The following LRRC28 variants were observed in gnomAD, a reference collection of about 807,000 sequenced individuals.
LRRC28 encodes leucine rich repeat containing 28, also known as leucine-rich repeat-containing protein 28.
In LRRC28, 39 loss-of-function variants were observed where a neutral mutation model predicts 45.7. That is an observed-to-expected ratio of 0.85 (90% CI 0.66 to 1.12). The LOEUF is 1.12. Among genes scored for constraint, LRRC28 ranks in the 50% most tolerant of loss-of-function variants. LRRC28 has a pLI of 0.00. For missense variants in LRRC28, 435 were observed against 438.5 expected (o/e 0.99, Z 0.07); for synonymous variants, 206 against 178.8 (o/e 1.15, Z -1.22).
intron 5 of LRRC28, among the ~76,000 whole-genome samples, chr15:99,306,532 A>G (rs1202441551): frequency 1.3e-5 from 2 of 152,212 alleles, no homozygotes; most frequent in Non-Finnish European, 2.9e-5. Context: ...AACGTTTAAA[A>G]GCTCTCTCTT....
At chr15:99,256,193 T>C (rs1200996081) in intron 2 of LRRC28, 68 bp downstream of exon 2, 2 of 1,305,884 alleles carry the variant, frequency 1.5e-6, no homozygotes, top group Admixed American at 5.1e-5. Context: ...TACATTTACA[T>C]ACCCTAAGGT....
intron 2 of LRRC28, among the ~76,000 whole-genome samples, chr15:99,273,204 C>T (rs1040182471): frequency 1.3e-5 from 2 of 152,020 alleles, no homozygotes. Context: ...GAGTTTTGGG[C>T]ATCTATTCCT....
intron 2 of LRRC28, chr15:99,258,531 G>A: frequency 1.3e-6 from 1 of 745,724 alleles, no homozygotes; most frequent in South Asian, 1.4e-5. Context: ...AGAGAAAGAA[G>A]AATCTTATGA....
chr15:99,268,689 TG>T (rs1467104306), intron 2 of LRRC28, among the ~76,000 whole-genome samples: 46 of 152,158 alleles, frequency 3.0e-4, no homozygotes, highest in African/African-American at 9.7e-4. Flanking sequence ...CAAACAGTTA[TG>T]TCATAAACTT....
rs60050676 is a variant in LRRC28, at chr15:99,276,621, G to T, written c.209+5G>T. The T allele has an allele frequency of 2.0e-6, 3 of 1,513,150 alleles. No individual in the cohort carries two copies. Among genetic ancestry groups the T allele is most frequent in the Non-Finnish European group, 2.6e-6 (3 of 1,134,120 alleles). The allele number at this position is 1,513,150 out of a possible 1,614,324, so 93.7% of individuals were successfully genotyped here. A position where few individuals can be genotyped will look rare whatever the true frequency, so the allele number is the denominator to read the frequency against. ...GCTTCCAAACCTTGTGGAACTGTGAGTCTGTTTATTCAAATTTTTTAAAGA... is the reference window on the plus strand; with the variant it reads ...GCTTCCAAACCTTGTGGAACTGTGATTCTGTTTATTCAAATTTTTTAAAGA... On this transcript the variant is annotated splice_donor_5th_base_variant and intron_variant, in intron 3 of 9. Transcript: ENST00000301981.
chr15:99,366,250 C>T (rs1036359518), intron 9 of LRRC28, among the ~76,000 whole-genome samples: 1 of 152,194 alleles, frequency 6.6e-6, no homozygotes, highest in Non-Finnish European at 1.5e-5. Flanking sequence ...TCCAGGCCTC[C>T]ATGGCTTGTA....
At chr15:99,283,578 G>A (rs992675014) in intron 3 of LRRC28, among the ~76,000 whole-genome samples, 2 of 144,550 alleles carry the variant, frequency 1.4e-5, no homozygotes, top group African/African-American at 2.6e-5. Flanking sequence ...ATCGAGCCAC[G>A]GCACTCTAGC....
intron 6 of LRRC28, among the ~76,000 whole-genome samples, chr15:99,351,880 C>T (rs1046171716): frequency 9.2e-5 from 14 of 152,118 alleles, no homozygotes; most frequent in African/African-American, 3.1e-4. Context: ...AATTTACAGC[C>T]AAGGAGCAAG....
chr15:99,294,811 C>A (rs1032474622), intron 5 of LRRC28, among the ~76,000 whole-genome samples: 1 of 152,174 alleles, frequency 6.6e-6, no homozygotes, highest in Non-Finnish European at 1.5e-5. Flanking sequence ...ATCATAGCAC[C>A]GTCTTGACCT....
intron 9 of LRRC28, among the ~76,000 whole-genome samples, chr15:99,376,829 A>T (rs985930848): frequency 1.3e-5 from 2 of 152,112 alleles, no homozygotes; most frequent in African/African-American, 4.8e-5. Context: ...TTTGCTGAGA[A>T]TGATGGTTTC....
At chr15:99,292,961 G>A (rs1452359524) in intron 5 of LRRC28, among the ~76,000 whole-genome samples, 3 of 152,074 alleles carry the variant, frequency 2.0e-5, no homozygotes, top group Admixed American at 2.0e-4. Context: ...TTTTCAAATT[G>A]GAATTAAGTC....
At chr15:99,368,530 GC>G (rs1957399477) in intron 9 of LRRC28, among the ~76,000 whole-genome samples, 1 of 152,156 alleles carries the variant, frequency 6.6e-6, no homozygotes, top group South Asian at 2.1e-4. Context: ...CAAAGAGGTT[GC>G]CCTGCCCCTG....
In LRRC28 at chr15:99,387,153, C is replaced by A. The variant is rs1047854446; in HGVS notation, c.*1051C>A. 2.0e-5 allele frequency: 3 copies of A among 149,862 alleles called. No individual in the cohort carries two copies. The highest frequency in any genetic ancestry group is 2.2e-4 in the South Asian group (1 of 4,566). The allele number at this position is 149,862 out of a possible 1,614,324, so 9.3% of individuals were successfully genotyped here. ...TCGGCTCACTGCAAGCTCCGCCTCCCGGGTTCACGCCATTCTCCTGCCTCA... is the reference window on the plus strand; with the variant it reads ...TCGGCTCACTGCAAGCTCCGCCTCCAGGGTTCACGCCATTCTCCTGCCTCA... On this transcript the variant is annotated 3_prime_UTR_variant, in exon 10 of 10. Coordinates refer to ENST00000301981, the MANE Select transcript of LRRC28 (RefSeq NM_144598.5).
At chr15:99,376,331 T>C (rs1957631880) in intron 9 of LRRC28, among the ~76,000 whole-genome samples, 1 of 152,194 alleles carries the variant, frequency 6.6e-6, no homozygotes, top group African/African-American at 2.4e-5. Flanking sequence ...GATTCTATTA[T>C]AGTCAAAGAA....
intron 9 of LRRC28, among the ~76,000 whole-genome samples, chr15:99,370,732 G>A (rs1957462672): frequency 6.6e-6 from 1 of 152,104 alleles, no homozygotes; most frequent in Admixed American, 6.5e-5. Flanking sequence ...AGATTGCATA[G>A]TGTGATCCAG....
rs28633779 is a variant in LRRC28 at position 99,298,051 on chromosome 15, A to T, written c.385+10100A>T. ...AAAAGTTCATTGCTACAATACTTTT[A>T]AAAAAAAAAAGGCAAAAGAAGAAAA... is the stretch of plus-strand genomic sequence containing the variant. On this transcript the variant is annotated intron_variant, in intron 5 of 9. Transcript: ENST00000301981. Among the ~76,000 whole-genome samples the T allele has an allele frequency of 5.3e-3, 775 of 147,076 alleles. 2 individuals carry two copies. Among genetic ancestry groups the T allele is most frequent in the African/African-American group, 0.017 (676 of 40,378 alleles).
chr15:99,357,392 T>G (rs1392214112), intron 7 of LRRC28, among the ~76,000 whole-genome samples: 1 of 152,206 alleles, frequency 6.6e-6, no homozygotes, highest in Non-Finnish European at 1.5e-5. Flanking sequence ...ATGTCCATCA[T>G]TACTGCACAG....
chr15:99,313,231 A>G (rs1384037649), intron 5 of LRRC28, among the ~76,000 whole-genome samples: 1 of 151,924 alleles, frequency 6.6e-6, no homozygotes, highest in African/African-American at 2.4e-5. Context: ...TTGGGAAGAT[A>G]TAAGAATTAT....
At chr15:99,285,606 T>C (rs997439350) in intron 3 of LRRC28, 69 of 687,118 alleles carry the variant, frequency 1.0e-4, no homozygotes, top group Non-Finnish European at 1.6e-4. Flanking sequence ...ACTTTAACGA[T>C]GCTTCCTCAG....
Sources: allele counts gnomAD v4.1 joint callset (sites outside exome capture counted in the v4.1 genomes callset), GRCh38; gene constraint gnomAD v4.1.1; transcripts MANE v1.5; gene names NCBI Gene and HGNC (gene_info 2026-07-23, HGNC 2026-07-21).